The following PUM1 variants were observed in gnomAD, a reference collection of about 807,000 sequenced individuals.
PUM1 encodes the protein pumilio homolog 1.
In PUM1, 13 loss-of-function variants were observed where a neutral mutation model predicts 131.8. That is an observed-to-expected ratio of 0.10 (90% CI 0.06 to 0.16). The LOEUF (loss-of-function observed/expected upper bound fraction) is 0.16. Ranked by LOEUF, PUM1 falls within the 10% of genes least tolerant of loss-of-function variation. The pLI is 1.00. For missense variants in PUM1, 961 were observed against 1,512.4 expected, an observed-to-expected ratio of 0.64 and a Z score of 6.05; for synonymous variants, 509 against 556.5, an observed-to-expected ratio of 0.91 and a Z score of 1.20.
chr1:31,015,673 T>C (rs891886044), intron 3 of PUM1, among the ~76,000 whole-genome samples: 1 of 148,974 alleles, frequency 6.7e-6, no homozygotes, highest in Non-Finnish European at 1.5e-5. Context: ...TTTCTTTTTT[T>C]TTCTTTTTTT....
At chr1:31,008,228 T>A (rs2124512201) in intron 3 of PUM1, among the ~76,000 whole-genome samples, 1 of 152,278 alleles carries the variant, frequency 6.6e-6, no homozygotes, top group Admixed American at 6.5e-5. Context: ...CTAAAATAAA[T>A]CTCTGCTTCC....
Position 30,941,197 on chromosome 1 carries a change from C to T in PUM1, c.3196G>A (p.Glu1066Lys), listed in dbSNP as rs1407862638. Reference protein sequence around the residue: ...RPEDKSKIVAEIRGNVLVLSQ... With the variant: ...RPEDKSKIVAKIRGNVLVLSQ... Reference sequence around the variant, plus strand: ...AATACAAGTACATTGCCTCGGATTTCTGCTACAATTTTGCTTTTATCCTCA... The same window carrying T: ...AATACAAGTACATTGCCTCGGATTTTTGCTACAATTTTGCTTTTATCCTCA... The change falls in exon 20 of 22, where the codon GAA becomes AAA. Residue 1066 changes from glutamate (E) to lysine (K), a missense_variant. Transcript: ENST00000426105. 4 of 1,613,704 alleles carry T rather than the reference C, an allele frequency of 2.5e-6. No homozygotes were observed.
chr1:30,940,986 G>A (rs1287634761), intron 20 of PUM1, among the ~76,000 whole-genome samples, 165 bp downstream of exon 20: 1 of 151,986 alleles, frequency 6.6e-6, no homozygotes, highest in Admixed American at 6.6e-5. Context: ...GCCCACTAAG[G>A]GACCTCTCAG....
In PUM1 at chr1:30,966,185, G is replaced by C. The variant is rs749261412; in HGVS notation, c.1883C>G (p.Pro628Arg). 3 of 1,614,074 alleles carry C rather than the reference G, an allele frequency of 1.9e-6. No individual in the cohort carries two copies. In the South Asian group the frequency reaches 3.3e-5, roughly 18 times the overall value. ...GPFRPLGTQQ[P>R]QPQPQQQPNN... The stretch of plus-strand genomic sequence containing the variant: ...GGGCTGCTGCTGGGGCTGGGGCTGA[G>C]GCTGCTGTGTTCCTAAAGGGCGAAA... The change falls in exon 13 of 22, where the codon CCT becomes CGT. Residue 628 changes from proline (P) to arginine (R), a missense_variant. Transcript: ENST00000426105.
At chr1:30,943,010 C>T (rs1437817121) in intron 18 of PUM1, among the ~76,000 whole-genome samples, 2 of 152,158 alleles carry the variant, frequency 1.3e-5, no homozygotes, top group Non-Finnish European at 2.9e-5. Context: ...CCCACCTTGG[C>T]CTCCCAAAGT....
At chr1:31,016,902 C>T (rs906925525) in intron 3 of PUM1, among the ~76,000 whole-genome samples, 2 of 152,000 alleles carry the variant, frequency 1.3e-5, no homozygotes, top group African/African-American at 4.8e-5. Flanking sequence ...AAAGGTTTTC[C>T]CAGGTTATTA....
chr1:31,061,293 C>G (rs1644361571), intron 1 of PUM1, among the ~76,000 whole-genome samples: 1 of 152,110 alleles, frequency 6.6e-6, no homozygotes, highest in Admixed American at 6.5e-5. Context: ...ACCCCCATCT[C>G]TATTATTTTA....
chr1:31,049,821 TCC>T (rs1192840634), intron 2 of PUM1, among the ~76,000 whole-genome samples: 2 of 135,342 alleles, frequency 1.5e-5, no homozygotes, highest in Non-Finnish European at 3.1e-5. Flanking sequence ...TGACTGAACT[TCC>T]TTTTTTTTTT....
intron 7 of PUM1, among the ~76,000 whole-genome samples, chr1:30,991,315 T>G (rs1274867178): frequency 1.3e-5 from 2 of 152,162 alleles, no homozygotes; most frequent in Non-Finnish European, 2.9e-5. Flanking sequence ...TTTTGTTAAT[T>G]TAACCTTATA....
At chr1:31,027,769 C>T (rs890029998) in intron 3 of PUM1, among the ~76,000 whole-genome samples, 3 of 152,194 alleles carry the variant, frequency 2.0e-5, no homozygotes, top group Non-Finnish European at 4.4e-5. Flanking sequence ...AGTAATTATC[C>T]TAATTTTGAC....
chr1:30,981,951 TCA>T (rs1312007855), intron 7 of PUM1: 7 of 152,186 alleles, frequency 4.6e-5, no homozygotes, highest in Admixed American at 1.3e-4. Flanking sequence ...TGAAAAGTGT[TCA>T]CTTCATCCTC....
chr1:31,005,910 C>A lies in PUM1; in HGVS notation c.663G>T (p.Met221Ile). The A allele has an allele frequency of 6.2e-7, 1 of 1,613,530 alleles. No individual in the cohort carries two copies. The highest frequency in any genetic ancestry group is 8.5e-7 in the Non-Finnish European group (1 of 1,179,854). Reference sequence around the variant, plus strand: ...GGGATGAGCTCAACACATACTCCACCATGCTAACGCCTAGTCCCCCACTCT... The same window carrying A: ...GGGATGAGCTCAACACATACTCCACAATGCTAACGCCTAGTCCCCCACTCT... ...RSESGGLGVS[M>I]VEYVLSSSPG... Residue 221 changes from methionine (M) to isoleucine (I), a missense_variant, in exon 5 of 22, where the codon ATG becomes ATT. Physicochemically the swap from Met to Ile is conservative, Grantham distance 10 (BLOSUM62 1). This residue lies in a region of PUM1 where 654 missense variants were observed against 923.9 expected (regional missense o/e 0.71). Transcript: ENST00000426105.
Position 31,049,823 on chromosome 1 carries a change from CTTTTTTT to C in PUM1, c.363+9374_363+9380del, listed in dbSNP as rs773718125. On this transcript the variant is annotated intron_variant, in intron 2 of 21. Coordinates refer to ENST00000426105, the MANE Select transcript of PUM1 (RefSeq NM_001020658.2). ...AGAGAAGAGCATCTGACTGAACTTC[CTTTTTTT>C]TTTTTTTTTTTTTTTTTGAGACAGA... 8.0e-4 allele frequency among the ~76,000 whole-genome samples: 64 copies of C among 80,004 alleles called. 1 individual carries two copies. Among genetic ancestry groups the C allele is most frequent in the Admixed American group, 2.6e-3 (14 of 5,384 alleles). The allele number at this position is 80,004 out of a possible 152,430, so 52.5% of individuals were successfully genotyped here.
chr1:30,968,817 C>G (rs1570156629), intron 10 of PUM1, among the ~76,000 whole-genome samples: 2 of 152,284 alleles, frequency 1.3e-5, no homozygotes, highest in Non-Finnish European at 2.9e-5. Flanking sequence ...TTTGGAATAT[C>G]TGGCATCAGC....
chr1:30,934,136 C>T (rs1426514795), intron 21 of PUM1, among the ~76,000 whole-genome samples: 2 of 152,188 alleles, frequency 1.3e-5, no homozygotes, highest in Non-Finnish European at 2.9e-5. Flanking sequence ...GTTCTTCCTT[C>T]CCTGGGCTGA....
At chr1:31,023,946 C>T (rs1197536283) in intron 3 of PUM1, among the ~76,000 whole-genome samples, 1 of 150,798 alleles carries the variant, frequency 6.6e-6, no homozygotes, top group East Asian at 1.9e-4. Flanking sequence ...AAAAAAAACC[C>T]CAATGAAAAG....
At chr1:30,958,433 A>C (rs1355238559) in intron 14 of PUM1, among the ~76,000 whole-genome samples, 1 of 152,210 alleles carries the variant, frequency 6.6e-6, no homozygotes, top group Non-Finnish European at 1.5e-5. Context: ...AGGGCAAATG[A>C]AAAGCCTGGG....
chr1:30,938,308 A>G (rs1055810466), intron 20 of PUM1, among the ~76,000 whole-genome samples: 1 of 152,180 alleles, frequency 6.6e-6, no homozygotes, highest in African/African-American at 2.4e-5. Flanking sequence ...GCTGGCGTGC[A>G]GTGGCACGAT....
Position 31,065,617 on chromosome 1 carries a change from G to T in PUM1, c.-13C>A. ...GGCCGGTGGGGTGCGGATACTCACG[G>T]GCGGAGCGGTAGGATGAAGATGGAT... is the stretch of plus-strand genomic sequence containing the variant. On this transcript the variant is annotated splice_region_variant and 5_prime_UTR_variant, in exon 1 of 22. Coordinates refer to ENST00000426105, the MANE Select transcript of PUM1 (RefSeq NM_001020658.2). The T allele has an allele frequency of 6.5e-7, 1 of 1,547,170 alleles. No individual in the cohort carries two copies.
Sources: allele counts gnomAD v4.1 joint callset (sites outside exome capture counted in the v4.1 genomes callset), GRCh38; gene constraint gnomAD v4.1.1; regional missense constraint gnomAD v4.1.1; transcripts MANE v1.5; gene names NCBI Gene and HGNC (gene_info 2026-07-23, HGNC 2026-07-21).